The following ARID1B variants were observed in gnomAD, a reference collection of about 807,000 sequenced individuals.
The protein encoded by ARID1B is AT-rich interactive domain-containing protein 1B.
A neutral mutation model predicts 212.3 loss-of-function variants in ARID1B; 30 were observed. That is an observed-to-expected ratio of 0.14 (90% CI 0.11 to 0.19). The LOEUF (loss-of-function observed/expected upper bound fraction) is 0.19. ARID1B is among the 10% of genes least tolerant of loss of function. The pLI is 1.00. For missense variants in ARID1B, 2,891 were observed against 3,204.0 expected (o/e 0.90, Z 2.36); for synonymous variants, 1,402 against 1,301.7 (o/e 1.08, Z -1.66).
Position 157,203,691 on chromosome 6 carries a change from C to A in ARID1B, c.5264-175C>A. 1.2e-6 allele frequency: 1 copy of A among 822,460 alleles called. No individual in the cohort carries two copies. The highest frequency in any genetic ancestry group is 1.9e-6 in the Non-Finnish European group (1 of 515,564). The allele number at this position is 822,460 out of a possible 1,614,324, so 50.9% of individuals were successfully genotyped here. ...AAACCACAAAAGTTTCTCGTTACAG[C>A]TATGGCCTCCATTTAAAATCGGAAA... On this transcript the variant is annotated intron_variant, in intron 18 of 19. Transcript: ENST00000636930. This position sits in a 1 kb window ranked among gnomAD's most constrained non-coding sequence, Gnocchi z 4.4.
At chr6:156,967,854 A>G (rs1201549194) in intron 4 of ARID1B, among the ~76,000 whole-genome samples, 1 of 152,204 alleles carries the variant, frequency 6.6e-6, no homozygotes, top group African/African-American at 2.4e-5. Context: ...AAGATTTGCA[A>G]GGAACTTTGG....
Position 156,915,871 on chromosome 6 carries a change from G to A in ARID1B, c.2136+14346G>A, listed in dbSNP as rs116694048. Among the ~76,000 whole-genome samples, 1,024 of 151,840 alleles carry A rather than the reference G, an allele frequency of 6.7e-3. 14 individuals are homozygous for A. Among genetic ancestry groups the A allele is most frequent in the African/African-American group, 0.022 (930 of 41,402 alleles). On this transcript the variant is annotated intron_variant, in intron 3 of 19. Transcript: ENST00000636930. ...AGATTGCACCACTGCACTCCAGTCT[G>A]GGTGGACACAGCAAGACTCCGTCTC...
chr6:156,960,885 T>C (rs572630932), intron 4 of ARID1B, among the ~76,000 whole-genome samples: 1 of 152,284 alleles, frequency 6.6e-6, no homozygotes, highest in Non-Finnish European at 1.5e-5. Flanking sequence ...TTTTATGAAA[T>C]AGAGTCCTAG....
intron 16 of ARID1B, 67 bp from the exon 17 acceptor site, chr6:157,198,744 A>G: frequency 1.5e-6 from 2 of 1,358,172 alleles, no homozygotes; most frequent in Non-Finnish European, 2.1e-6. Context: ...CCAGAAATGG[A>G]TTGTTTATTT....
chr6:157,098,095 A>C (rs1390151928), intron 5 of ARID1B, among the ~76,000 whole-genome samples: 1 of 152,178 alleles, frequency 6.6e-6, no homozygotes, highest in African/African-American at 2.4e-5. Context: ...GAAAGAGGAA[A>C]AATATTGAGG....
intron 2 of ARID1B, among the ~76,000 whole-genome samples, chr6:156,894,313 T>TGGGGAGGGGGGCCGGGGGGG (rs1788215908): frequency 1.0e-5 from 1 of 95,532 alleles, no homozygotes; most frequent in Non-Finnish European, 2.2e-5. Flanking sequence ...GGCCGGGGGT[T>TGGGGAGGGGGGCCGGGGGGG]GGGATGGGGA....
At position 157,204,008 on chromosome 6, in the gene ARID1B, T is replaced by C. The variant is rs779949818; in HGVS notation, c.5394+12T>C. The C allele has an allele frequency of 9.1e-5, 147 of 1,613,878 alleles. No homozygotes were observed. In the South Asian group the frequency reaches 1.5e-3, roughly 17 times the overall value. On this transcript the variant is annotated intron_variant, in intron 19 of 19. Coordinates refer to ENST00000636930, the MANE Select transcript of ARID1B (RefSeq NM_001374828.1). ...TCAATCTCTCCCAGGTAAGCCAGCA[T>C]AGTCCAACTAACAACCAAATTAGGA...
intron 13 of ARID1B, chr6:157,186,766 G>T (rs1381749334): frequency 5.8e-6 from 2 of 342,650 alleles, no homozygotes; most frequent in African/African-American, 4.3e-5. Context: ...TAAACTAAAA[G>T]ATTCTGAAGA....
chr6:156,972,198 G>A (rs138062133), intron 4 of ARID1B, among the ~76,000 whole-genome samples: 20 of 152,296 alleles, frequency 1.3e-4, no homozygotes, highest in African/African-American at 4.6e-4. Context: ...CATAATTCTG[G>A]AAGGAATTTT....
Position 156,778,488 on chromosome 6 carries a change from GACGCGCCGCCCAAGA to G in ARID1B, c.809_823del (p.Asp270_Met275delinsVal). The G allele has an allele frequency of 7.8e-7, 1 of 1,286,112 alleles. No individual in the cohort carries two copies. Among genetic ancestry groups the G allele is most frequent in the Non-Finnish European group, 9.8e-7 (1 of 1,023,092 alleles). The allele number at this position is 1,286,112 out of a possible 1,614,324, so 79.7% of individuals were successfully genotyped here. A position where few individuals can be genotyped will look rare whatever the true frequency, so the allele number is the denominator to read the frequency against. ...GCTGAGCAAGCCGGGCGACGAGGAC[GACGCGCCGCCCAAGA>G]TGGGGGAGCCGGCGGGCGGCCGCTA... On this transcript the variant is annotated inframe_deletion, in exon 1 of 20. Transcript: ENST00000636930.
At chr6:156,794,912 G>A (rs1780254198) in intron 1 of ARID1B, among the ~76,000 whole-genome samples, 1 of 152,092 alleles carries the variant, frequency 6.6e-6, no homozygotes, top group South Asian at 2.1e-4. Context: ...AGCTTTTAGT[G>A]TATTTTGGCT....
intron 6 of ARID1B, among the ~76,000 whole-genome samples, chr6:157,111,971 A>G (rs764467059): frequency 2.6e-5 from 4 of 152,100 alleles, no homozygotes; most frequent in Non-Finnish European, 4.4e-5. Context: ...GCAAGTTCTC[A>G]GATACTGCTG....
In ARID1B at chr6:157,183,763, A is replaced by T. The variant is rs143359608; in HGVS notation, c.3715-468A>T. Among the ~76,000 whole-genome samples the T allele has an allele frequency of 3.7e-4, 56 of 152,216 alleles. No individual in the cohort carries two copies. The Middle Eastern group carries it at 0.01, about 28-fold the overall frequency. On this transcript the variant is annotated intron_variant, in intron 12 of 19. Transcript: ENST00000636930. The stretch of plus-strand genomic sequence containing the variant: ...CCAGGGGCTCATTTGCCTTTGCACG[A>T]GGTGCTGCTTTTGCTTTTGCCTGAC...
At chr6:157,160,459 ACT>A (rs1790855040) in intron 8 of ARID1B, among the ~76,000 whole-genome samples, 1 of 151,612 alleles carries the variant, frequency 6.6e-6, no homozygotes, top group Non-Finnish European at 1.5e-5. Context: ...ATATTGCTCA[ACT>A]CTCTCTTGTG....
At chr6:157,169,771 G>A (rs879919746) in intron 9 of ARID1B, 3 of 152,148 alleles carry the variant, frequency 2.0e-5, no homozygotes, top group Admixed American at 2.0e-4. Context: ...TTCTAAGTTT[G>A]CCTCACCAGA....
chr6:156,823,691 T>G (rs76871503), intron 1 of ARID1B, among the ~76,000 whole-genome samples: 78 of 102,434 alleles, frequency 7.6e-4, no homozygotes, highest in Admixed American at 7.9e-4. Context: ...CTTTGTTGTT[T>G]TTTTTTTTTT....
rs757953295 is a variant in ARID1B at position 156,779,296 on chromosome 6, AGGCGGCGGC to A, written c.1622_1630del (p.Ala541_Ala543del). 4 of 1,095,962 alleles carry A rather than the reference AGGCGGCGGC, an allele frequency of 3.6e-6. No homozygotes were observed. Among genetic ancestry groups the A allele is most frequent in the Admixed American group, 5.2e-5 (1 of 19,110 alleles). The allele number at this position is 1,095,962 out of a possible 1,614,324, so 67.9% of individuals were successfully genotyped here. ...CCGCCGCCGTCGCAGCCCCAGTCCC[AGGCGGCGGC>A]GGCGGGGGCGGCGGCGGGCGGCCAG... On this transcript the variant is annotated inframe_deletion, in exon 1 of 20. Coordinates refer to ENST00000636930, the MANE Select transcript of ARID1B (RefSeq NM_001374828.1).
intron 4 of ARID1B, chr6:157,023,790 T>C (rs979737498): frequency 2.6e-5 from 4 of 152,234 alleles, no homozygotes; most frequent in African/African-American, 9.7e-5. Context: ...ATTTTGAAGT[T>C]AAACTTTGCC....
intron 7 of ARID1B, among the ~76,000 whole-genome samples, chr6:157,136,339 C>T (rs1306372118): frequency 1.3e-5 from 2 of 152,000 alleles, no homozygotes; most frequent in Admixed American, 6.6e-5. Context: ...TTTAATAATT[C>T]GGCCATGATC....
Sources: gnomAD v4.1 joint callset for allele counts (sites outside exome capture counted in the v4.1 genomes callset) on GRCh38, gnomAD v4.1.1 for gene constraint, Gnocchi (gnomAD v3.1) non-coding constraint, MANE v1.5 for transcripts, NCBI Gene and HGNC (gene_info 2026-07-23, HGNC 2026-07-21) for gene names.